PLS1: variants seen among roughly 807,000 people sequenced by gnomAD.
PLS1 encodes the protein plastin-1.
A neutral mutation model predicts 73.7 loss-of-function variants in PLS1; 32 were observed. The observed-to-expected ratio is 0.43, with a 90% CI of 0.33 to 0.58. The LOEUF is 0.58. Among genes scored for constraint, PLS1 ranks in the 20% least tolerant of loss-of-function variants. PLS1 has a pLI of 0.04. For synonymous variants in PLS1, 217 were observed against 261.3 expected (o/e 0.83, Z 1.63); for missense variants, 633 against 740.5 (o/e 0.85, Z 1.68).
At chr3:142,606,319 G>A (rs769379259) in intron 1 of PLS1, among the ~76,000 whole-genome samples, 4 of 152,090 alleles carry the variant, frequency 2.6e-5, no homozygotes, top group Admixed American at 2.6e-4. Flanking sequence ...GGCATTAAGG[G>A]TATTACTAAA....
intron 1 of PLS1, among the ~76,000 whole-genome samples, chr3:142,651,302 A>G (rs1308129898): frequency 6.6e-6 from 1 of 151,814 alleles, no homozygotes; most frequent in Non-Finnish European, 1.5e-5. Flanking sequence ...TCTACTAAAA[A>G]TATACAAAAA....
At chr3:142,600,946 CG>C (rs2035915681) in intron 1 of PLS1, among the ~76,000 whole-genome samples, 1 of 36,556 alleles carries the variant, frequency 2.7e-5, no homozygotes, top group African/African-American at 1.4e-4. Context: ...TTTTTTGAGA[CG>C]GAGTCTCGCT....
chr3:142,601,777 G>A (rs1012678268), intron 1 of PLS1, among the ~76,000 whole-genome samples: 2 of 151,930 alleles, frequency 1.3e-5, no homozygotes, highest in Admixed American at 6.6e-5. Context: ...TCAGCTTCCC[G>A]AAGCCCTGAG....
intron 1 of PLS1, among the ~76,000 whole-genome samples, chr3:142,637,294 C>G (rs2036715234): frequency 6.6e-6 from 1 of 152,184 alleles, no homozygotes; most frequent in African/African-American, 2.4e-5. Flanking sequence ...AGTATGTACA[C>G]ATGATTCTGT....
At chr3:142,602,890 T>C (rs1038046668) in intron 1 of PLS1, among the ~76,000 whole-genome samples, 2 of 152,204 alleles carry the variant, frequency 1.3e-5, no homozygotes, top group African/African-American at 4.8e-5. Flanking sequence ...TTTCACCATG[T>C]TGGCCAGGCT....
chr3:142,604,319 A>C (rs925143473), intron 1 of PLS1, among the ~76,000 whole-genome samples: 2 of 152,208 alleles, frequency 1.3e-5, no homozygotes, highest in Admixed American at 6.5e-5. Context: ...TTGTAAATAA[A>C]CCAAAACCTC....
chr3:142,697,831 ATTCT>A (rs1475305678), intron 11 of PLS1, 118 bp from the exon 12 acceptor site: 1 of 591,980 alleles, frequency 1.7e-6, no homozygotes, highest in Admixed American at 3.1e-5. Context: ...ATGTCCTGTC[ATTCT>A]TTAAGAATTA....
chr3:142,664,368 T>C (rs2037433118), intron 2 of PLS1, 61 bp downstream of exon 2: 3 of 839,946 alleles, frequency 3.6e-6, no homozygotes, highest in Non-Finnish European at 5.9e-6. Context: ...ACTTCAGGAA[T>C]GGAAAAATAC....
chr3:142,628,100 AAGAT>A (rs1264410906), intron 1 of PLS1, among the ~76,000 whole-genome samples: 1 of 152,206 alleles, frequency 6.6e-6, no homozygotes, highest in Non-Finnish European at 1.5e-5. Flanking sequence ...ATCATGTAGA[AAGAT>A]GATACCTTGG....
chr3:142,615,852 A>G (rs1185706250), intron 1 of PLS1, among the ~76,000 whole-genome samples: 2 of 152,202 alleles, frequency 1.3e-5, no homozygotes, highest in Non-Finnish European at 2.9e-5. Context: ...GTGGTTTTTC[A>G]AAAGTGTGGT....
At chr3:142,622,092 G>A (rs190718124) in intron 1 of PLS1, among the ~76,000 whole-genome samples, 1 of 151,948 alleles carries the variant, frequency 6.6e-6, no homozygotes. Context: ...TGGACCACGT[G>A]GACAGAATAT....
At chr3:142,688,547 G>A (rs1450000559) in intron 9 of PLS1, among the ~76,000 whole-genome samples, 2 of 152,060 alleles carry the variant, frequency 1.3e-5, no homozygotes, top group African/African-American at 2.4e-5. Flanking sequence ...ATCCCACCTC[G>A]GTTTTCGCCC....
At chr3:142,637,627 C>T (rs1484685307) in intron 1 of PLS1, among the ~76,000 whole-genome samples, 2 of 151,964 alleles carry the variant, frequency 1.3e-5, no homozygotes, top group Non-Finnish European at 2.9e-5. Flanking sequence ...ATGTAATATT[C>T]AAAGGTGGAT....
chr3:142,599,639 A>G (rs1394168949), intron 1 of PLS1, among the ~76,000 whole-genome samples: 1 of 152,066 alleles, frequency 6.6e-6, no homozygotes, highest in African/African-American at 2.4e-5. Flanking sequence ...AGATATTCTT[A>G]ACTAAGCTAG....
chr3:142,614,419 G>T (rs992251337), intron 1 of PLS1, among the ~76,000 whole-genome samples: 4 of 152,168 alleles, frequency 2.6e-5, no homozygotes, highest in Non-Finnish European at 5.9e-5. Flanking sequence ...CAAGGCCTGT[G>T]CCAGACTTCA....
chr3:142,658,537 T>TC (rs1385187591), intron 1 of PLS1, among the ~76,000 whole-genome samples: 8 of 151,470 alleles, frequency 5.3e-5, no homozygotes, highest in Admixed American at 5.3e-4. Context: ...GCTCCTTGCC[T>TC]CCCTCTACAT....
intron 1 of PLS1, among the ~76,000 whole-genome samples, chr3:142,602,214 C>A (rs1049560474): frequency 6.6e-6 from 1 of 151,084 alleles, no homozygotes; most frequent in African/African-American, 2.4e-5. Context: ...AAAGCCACTT[C>A]TGATCTGCTC....
chr3:142,669,289 G>T (rs1409613818), intron 2 of PLS1, 101 bp from the exon 3 acceptor site: 7 of 622,796 alleles, frequency 1.1e-5, no homozygotes, highest in Non-Finnish European at 1.9e-5. Context: ...AAACAAATGT[G>T]AAAGGCTCTG....
At chr3:142,684,494 C>A in intron 8 of PLS1, 99 bp downstream of exon 8, 1 of 940,268 alleles carries the variant, frequency 1.1e-6, no homozygotes, top group Non-Finnish European at 1.6e-6. Flanking sequence ...TTCACAAGAA[C>A]ACTTGGGATA....
Sources: allele counts gnomAD v4.1 joint callset (sites outside exome capture counted in the v4.1 genomes callset), GRCh38; gene constraint gnomAD v4.1.1; transcripts MANE v1.5; gene names NCBI Gene and HGNC (gene_info 2026-07-23, HGNC 2026-07-21).